Variants in TMEM71 observed in about 807,000 individuals in gnomAD.
TMEM71 encodes the protein transmembrane protein 71.
A neutral mutation model predicts 38.0 loss-of-function variants in TMEM71; 44 were observed. The observed-to-expected ratio is 1.16, with a 90% CI of 0.91 to 1.49. The LOEUF (loss-of-function observed/expected upper bound fraction) is 1.49, where lower values mean the gene tolerates loss of function less well. TMEM71 is among the 40% of genes most tolerant of loss of function. The pLI is 0.00. For synonymous variants in TMEM71, 133 were observed against 122.5 expected (o/e 1.09, Z -0.56); for missense variants, 367 against 348.6 (o/e 1.05, Z -0.42).
At chr8:132,722,375 G>C (rs966663933) in intron 6 of TMEM71, among the ~76,000 whole-genome samples, 4 of 152,148 alleles carry the variant, frequency 2.6e-5, no homozygotes, top group African/African-American at 9.7e-5. Context: ...TCACAGTTTA[G>C]GGCTTGCCTT....
chr8:132,772,936 G>A, the TMEM71 span, among the ~76,000 whole-genome samples: 1 of 152,162 alleles, frequency 6.6e-6, no homozygotes, highest in Non-Finnish European at 1.5e-5. Flanking sequence ...AAATGAGATA[G>A]ACTCTTGATA....
the TMEM71 span, among the ~76,000 whole-genome samples, chr8:132,770,272 A>C: frequency 6.6e-6 from 1 of 152,142 alleles, no homozygotes; most frequent in Non-Finnish European, 1.5e-5. Flanking sequence ...AGTTGTGTTG[A>C]ATATTAGTTA....
At chr8:132,763,211 CTT>C (rs1829324726), upstream of TMEM71, among the ~76,000 whole-genome samples, 1 of 152,140 alleles carries the variant, frequency 6.6e-6, no homozygotes, top group South Asian at 2.1e-4. Context: ...CTCCTTAGCA[CTT>C]TTTACCAAGG....
intron 2 of TMEM71, chr8:132,758,233 A>G (rs1255268858): frequency 6.6e-6 from 1 of 152,246 alleles, no homozygotes; most frequent in Non-Finnish European, 1.5e-5. Flanking sequence ...GTTGGAGTTG[A>G]TTAATATTCT....
At chr8:132,759,298 G>A (rs11987302) in intron 1 of TMEM71, 3,297 of 157,036 alleles carry the variant, frequency 0.021, 125 homozygotes, top group African/African-American at 0.076. Context: ...ACAAACTTAC[G>A]TGTATTTTAA....
intron 5 of TMEM71, among the ~76,000 whole-genome samples, chr8:132,734,152 T>C (rs536336581): frequency 6.9e-6 from 1 of 144,304 alleles, no homozygotes; most frequent in African/African-American, 2.6e-5. Flanking sequence ...TGTTATGTTC[T>C]TACACACACA....
Position 132,751,977 on chromosome 8 carries a change from T to G in TMEM71, c.122A>C (p.Asp41Ala). 6.2e-7 allele frequency: 1 copy of G among 1,614,030 alleles called. No homozygotes were observed. ...GCCGCATTCAAAAGAATGGTAACCA[T>G]CCAGGGAATCACAGGTGAAACTAAG... The part of the protein sequence containing the change: ...IFPSFTCDSL[D>A]GYHSFECGSI... Residue 41 changes from aspartate (D) to alanine (A), a missense_variant, in exon 4 of 10, where the codon GAT (aspartate) becomes GCT (alanine). Physicochemically the swap from Asp to Ala is moderately radical, Grantham distance 126 (BLOSUM62 -2). Coordinates refer to ENST00000677595, the MANE Select transcript of TMEM71 (RefSeq NM_001382403.1).
intron 2 of TMEM71, chr8:132,757,844 A>G (rs1343744930): frequency 6.6e-6 from 1 of 151,440 alleles, no homozygotes; most frequent in Non-Finnish European, 1.5e-5. Context: ...AAAAAAAAAA[A>G]AAATTTCTTA....
chr8:132,753,312 G>A (rs1828826882), intron 3 of TMEM71, among the ~76,000 whole-genome samples: 1 of 152,148 alleles, frequency 6.6e-6, no homozygotes. Context: ...AATTCTTGGG[G>A]TGGTTTTTTG....
the TMEM71 span, among the ~76,000 whole-genome samples, chr8:132,765,983 C>T: frequency 6.6e-6 from 1 of 151,838 alleles, no homozygotes; most frequent in Non-Finnish European, 1.5e-5. Flanking sequence ...GGGGTTTCAC[C>T]ATGTTGGCCA....
intron 5 of TMEM71, among the ~76,000 whole-genome samples, chr8:132,730,707 A>G (rs114251585): frequency 0.012 from 1,802 of 152,276 alleles, 36 homozygotes; most frequent in African/African-American, 0.041. Context: ...TCTTGTCTAA[A>G]CAGGACAATT....
intron 5 of TMEM71, among the ~76,000 whole-genome samples, chr8:132,732,450 T>C (rs1167359681): frequency 2.0e-5 from 3 of 152,102 alleles, no homozygotes; most frequent in Non-Finnish European, 4.4e-5. Context: ...GACAAGAGCA[T>C]GTGCATGAGG....
intron 5 of TMEM71, among the ~76,000 whole-genome samples, chr8:132,738,030 T>C (rs1586796135): frequency 6.6e-6 from 1 of 152,214 alleles, no homozygotes; most frequent in East Asian, 1.9e-4. Flanking sequence ...AGCTGTTCTT[T>C]TCTGCCTTTT....
At chr8:132,752,451 G>C (rs781298524) in intron 3 of TMEM71, among the ~76,000 whole-genome samples, 1 of 152,064 alleles carries the variant, frequency 6.6e-6, no homozygotes, top group Non-Finnish European at 1.5e-5. Flanking sequence ...GATCATTTTT[G>C]GCCTTTGCAA....
chr8:132,774,953 C>T, the TMEM71 span, among the ~76,000 whole-genome samples: 1 of 152,216 alleles, frequency 6.6e-6, no homozygotes, highest in Non-Finnish European at 1.5e-5. Context: ...TAGTGTCTAT[C>T]ACAAAGCATC....
intron 5 of TMEM71, among the ~76,000 whole-genome samples, chr8:132,740,128 C>T (rs1827958438): frequency 6.6e-6 from 1 of 152,128 alleles, no homozygotes; most frequent in African/African-American, 2.4e-5. Context: ...TTGAAATGAC[C>T]CCACAGCTCC....
intron 3 of TMEM71, among the ~76,000 whole-genome samples, chr8:132,756,565 T>C (rs1050866889): frequency 1.3e-5 from 2 of 148,962 alleles, no homozygotes; most frequent in African/African-American, 4.9e-5. Context: ...AAGCAAGACA[T>C]ACAGGAAAAT....
chr8:132,746,466 T>TATACATATAC (rs1828381577), intron 5 of TMEM71, among the ~76,000 whole-genome samples: 1 of 16,148 alleles, frequency 6.2e-5, no homozygotes, highest in Admixed American at 9.1e-4. Flanking sequence ...TATATATACA[T>TATACATATAC]ATATATATAC....
the TMEM71 span, chr8:132,775,409 C>A: frequency 5.4e-6 from 2 of 371,072 alleles, no homozygotes; most frequent in Non-Finnish European, 4.7e-6. Flanking sequence ...GCGGCGGAGG[C>A]GGCGGCGGCG....
Sources: gnomAD v4.1 joint callset for allele counts (sites outside exome capture counted in the v4.1 genomes callset) on GRCh38, gnomAD v4.1.1 for gene constraint, MANE v1.5 for transcripts, NCBI Gene and HGNC (gene_info 2026-07-23, HGNC 2026-07-21) for gene names.